Variants in TBPL2 observed in about 807,000 individuals in gnomAD.
The protein encoded by TBPL2 is TATA-box binding protein like 2.
TBPL2 carries 40 observed loss-of-function variants against 38.2 expected under a neutral mutation model. That is an observed-to-expected ratio of 1.05 (90% CI 0.81 to 1.36). The LOEUF (loss-of-function observed/expected upper bound fraction) is 1.36. Ranked by LOEUF, TBPL2 falls within the 40% of genes most tolerant of loss-of-function variation. TBPL2 has a pLI of 0.00. For synonymous variants in TBPL2, 169 were observed against 171.7 expected (o/e 0.98, Z 0.12); for missense variants, 461 against 456.7 (o/e 1.01, Z -0.09).
exon 1 of TBPL2, chr14:55,440,461 C>T (rs1332144826): frequency 1.2e-6 from 2 of 1,612,954 alleles, no homozygotes; most frequent in South Asian, 1.1e-5. Flanking sequence ...GACCGTAATC[C>T]CACTGTTGGG....
intron 4 of TBPL2, among the ~76,000 whole-genome samples, chr14:55,429,573 G>GGCCACAC (rs1885890287): frequency 1.3e-5 from 2 of 152,056 alleles, no homozygotes; most frequent in African/African-American, 4.8e-5. Flanking sequence ...AGACCGGCCT[G>GGCCACAC]GCCAACATGA....
At chr14:55,423,338 T>C (rs557616016) in intron 6 of TBPL2, among the ~76,000 whole-genome samples, 5 of 152,352 alleles carry the variant, frequency 3.3e-5, no homozygotes, top group African/African-American at 7.2e-5. Context: ...TTTAAAACAA[T>C]TGGGCGATTT....
chr14:55,414,599 T>C (rs527615470), intron 6 of TBPL2, 144 bp from the exon 7 acceptor site: 6 of 627,242 alleles, frequency 9.6e-6, no homozygotes, highest in Non-Finnish European at 1.5e-5. Flanking sequence ...TTATTCCGGG[T>C]AAATAATTTG....
chr14:55,418,441 G>GT (rs1422928792), intron 6 of TBPL2, among the ~76,000 whole-genome samples: 1 of 152,172 alleles, frequency 6.6e-6, no homozygotes, highest in Non-Finnish European at 1.5e-5. Flanking sequence ...TGCCACAGTC[G>GT]TGTGTGTATA....
chr14:55,428,684 A>G, intron 5 of TBPL2, 123 bp downstream of exon 5: 3 of 1,065,932 alleles, frequency 2.8e-6, no homozygotes, highest in South Asian at 1.7e-5. Flanking sequence ...TCTTTTCACT[A>G]TTGTGTCCCC....
intron 1 of TBPL2, among the ~76,000 whole-genome samples, chr14:55,440,165 TAACTGAGTGAACGGTTCTGGA>T (rs1022922311): frequency 4.6e-5 from 7 of 152,150 alleles, no homozygotes; most frequent in African/African-American, 1.4e-4. Context: ...TGTAATCTGG[TAACTGAGTGAACGGTTCTGGA>T]TTCGTGCTAG....
At chr14:55,421,094 G>A (rs1222230079) in intron 6 of TBPL2, among the ~76,000 whole-genome samples, 1 of 151,156 alleles carries the variant, frequency 6.6e-6, no homozygotes, top group Non-Finnish European at 1.5e-5. Context: ...AAGAAATTTG[G>A]GGTAGGTGGG....
At position 55,428,937 on chromosome 14, in the gene TBPL2, G is replaced by A. The variant is rs763810303; in HGVS notation, c.826C>T (p.Arg276Cys). 2.5e-6 allele frequency: 4 copies of A among 1,614,114 alleles called. No homozygotes were observed. Among genetic ancestry groups the A allele is most frequent in the Non-Finnish European group, 3.4e-6 (4 of 1,180,008 alleles). The change falls in exon 5 of 7, where the codon CGT becomes TGT. Residue 276 changes from arginine to cysteine, a missense_variant. Transcript: ENST00000247219. ...GGGAACCCAAGCTTCTGCACCACAC[G>A]AGCATATTTTCTTGCTGCAAGTCGA...
At chr14:55,420,218 G>A (rs1157851932) in intron 6 of TBPL2, among the ~76,000 whole-genome samples, 4 of 152,170 alleles carry the variant, frequency 2.6e-5, no homozygotes, top group Non-Finnish European at 4.4e-5. Context: ...TTACAGGCAC[G>A]CACCACAATG....
intron 2 of TBPL2, 88 bp downstream of exon 2, chr14:55,436,470 CCTA>C: frequency 9.0e-7 from 1 of 1,112,086 alleles, no homozygotes; most frequent in Non-Finnish European, 1.3e-6. Flanking sequence ...AATTCTCTTC[CCTA>C]CTATTATCCT....
intron 5 of TBPL2, among the ~76,000 whole-genome samples, chr14:55,426,277 AAAT>A (rs555372751): frequency 2.0e-3 from 299 of 149,896 alleles, no homozygotes; most frequent in African/African-American, 6.7e-3. Context: ...CAAAAAAAAA[AAAT>A]AAATAAATAA....
intron 6 of TBPL2, among the ~76,000 whole-genome samples, chr14:55,422,490 T>A (rs1019785751): frequency 6.6e-6 from 1 of 151,994 alleles, no homozygotes; most frequent in Admixed American, 6.6e-5. Flanking sequence ...ACCTCATAAT[T>A]CGCCTGCCTC....
chr14:55,436,939 G>C, exon 2 of TBPL2: 1 of 1,614,204 alleles, frequency 6.2e-7, no homozygotes, highest in African/African-American at 1.3e-5. Flanking sequence ...TGCAGTATCC[G>C]GATTGGATGC....
At chr14:55,428,119 C>T (rs1394404773) in intron 5 of TBPL2, among the ~76,000 whole-genome samples, 81 of 43,302 alleles carry the variant, frequency 1.9e-3, no homozygotes, top group Middle Eastern at 0.043. Flanking sequence ...CATGCCTTAT[C>T]TTTTTTTTTT....
chr14:55,422,724 G>A (rs1031926996), intron 6 of TBPL2, among the ~76,000 whole-genome samples: 2 of 152,094 alleles, frequency 1.3e-5, no homozygotes, highest in Non-Finnish European at 2.9e-5. Flanking sequence ...ATGGTGGCAT[G>A]TGCCTGTAGT....
chr14:55,429,871 G>A (rs1325902858), intron 4 of TBPL2, among the ~76,000 whole-genome samples: 2 of 150,398 alleles, frequency 1.3e-5, no homozygotes, highest in East Asian at 3.9e-4. Flanking sequence ...TGATTGAGTG[G>A]CACAGACAAG....
At chr14:55,422,719 G>A (rs1021821083) in intron 6 of TBPL2, among the ~76,000 whole-genome samples, 1 of 152,102 alleles carries the variant, frequency 6.6e-6, no homozygotes, top group African/African-American at 2.4e-5. Flanking sequence ...TGGGCATGGT[G>A]GCATGTGCCT....
At chr14:55,437,548 G>A (rs1218007465) in intron 1 of TBPL2, among the ~76,000 whole-genome samples, 1 of 152,180 alleles carries the variant, frequency 6.6e-6, no homozygotes, top group African/African-American at 2.4e-5. Context: ...TGCAGAAAAA[G>A]CATTCTTCAT....
intron 4 of TBPL2, among the ~76,000 whole-genome samples, chr14:55,430,135 A>G (rs1294383021): frequency 6.6e-6 from 1 of 152,116 alleles, no homozygotes; most frequent in East Asian, 1.9e-4. Flanking sequence ...GTATTTTTCA[A>G]CTGTTAGTGA....
Sources: gnomAD v4.1 joint callset for allele counts (sites outside exome capture counted in the v4.1 genomes callset) on GRCh38, gnomAD v4.1.1 for gene constraint, MANE v1.5 for transcripts, NCBI Gene and HGNC (gene_info 2026-07-23, HGNC 2026-07-21) for gene names.